ZFHX4: variants seen among roughly 807,000 people sequenced by gnomAD.
The protein encoded by ZFHX4 is zinc finger homeobox protein 4.
In ZFHX4, 56 loss-of-function variants were observed where a neutral mutation model predicts 267.6. The observed-to-expected ratio is 0.21, with a 90% CI of 0.17 to 0.26. The LOEUF (loss-of-function observed/expected upper bound fraction) is 0.26. ZFHX4 is among the 10% of genes least tolerant of loss of function. ZFHX4 has a pLI of 1.00. For synonymous variants in ZFHX4, 1,778 were observed against 1,665.6 expected, an observed-to-expected ratio of 1.07 and a Z score of -1.64; for missense variants, 4,332 against 4,420.0, an observed-to-expected ratio of 0.98 and a Z score of 0.56.
rs114939746 is a variant in ZFHX4 at position 76,857,719 on chromosome 8, C to T, written c.9379+1419C>T. Among the ~76,000 whole-genome samples the T allele has an allele frequency of 2.8e-3, 420 of 152,140 alleles. 1 individual carries two copies. Among genetic ancestry groups the T allele is most frequent in the African/African-American group, 9.3e-3 (388 of 41,516 alleles). ...ACCAACTTCCCTCACCCCAAAGGTACTTTGGGCTTCATTATCTAGACAATT... is the reference window on the plus strand; with the variant it reads ...ACCAACTTCCCTCACCCCAAAGGTATTTTGGGCTTCATTATCTAGACAATT... On this transcript the variant is annotated intron_variant, in intron 10 of 10. Transcript: ENST00000651372.
intron 3 of ZFHX4, among the ~76,000 whole-genome samples, chr8:76,709,672 T>C (rs976966394): frequency 6.6e-6 from 1 of 152,158 alleles, no homozygotes; most frequent in African/African-American, 2.4e-5. Context: ...TGTATAAATT[T>C]TCTATTTTTT....
chr8:76,837,156 G>T (rs1199292734), intron 5 of ZFHX4, among the ~76,000 whole-genome samples: 3 of 152,100 alleles, frequency 2.0e-5, no homozygotes, highest in Non-Finnish European at 4.4e-5. Flanking sequence ...AATGTAGATA[G>T]AGAAAGGGCT....
chr8:76,784,479 C>T (rs1810633665), intron 4 of ZFHX4, among the ~76,000 whole-genome samples: 1 of 152,044 alleles, frequency 6.6e-6, no homozygotes, highest in South Asian at 2.1e-4. Flanking sequence ...ACATCCTAAT[C>T]TGTCTTGTCA....
At chr8:76,850,865 G>C (rs1412062526) in intron 9 of ZFHX4, 21 bp from the exon 10 acceptor site, 3 of 1,546,210 alleles carry the variant, frequency 1.9e-6, no homozygotes, top group Admixed American at 2.1e-5. Flanking sequence ...TAAGAGAGAT[G>C]TTTGTGCTTT....
chr8:76,794,006 T>C (rs2131811469), intron 4 of ZFHX4, among the ~76,000 whole-genome samples: 1 of 152,316 alleles, frequency 6.6e-6, no homozygotes, highest in African/African-American at 2.4e-5. Flanking sequence ...GCTGGCCCTT[T>C]CTCTTCTGAC....
rs1563471062 is a variant in ZFHX4 at position 76,705,076 on chromosome 8, GAAC to G, written c.989_991del (p.Glu330_Pro331delinsAla). The G allele has an allele frequency of 1.9e-6, 3 of 1,613,876 alleles. No homozygotes were observed. In the South Asian group the frequency reaches 3.3e-5, roughly 18 times the overall value. ...AATACAGGGGATTGGCAAAGACAAA[GAAC>G]CTCTTATAAGCTTTCTGGAACCAAA... On this transcript the variant is annotated inframe_deletion, in exon 2 of 11. Coordinates refer to ENST00000651372, the MANE Select transcript of ZFHX4 (RefSeq NM_024721.5).
At position 76,852,895 on chromosome 8, in the gene ZFHX4, C is replaced by T. The variant is rs1242607998; in HGVS notation, c.5974C>T (p.Leu1992Phe). The T allele has an allele frequency of 6.2e-7, 1 of 1,612,640 alleles. No homozygotes were observed. Among genetic ancestry groups the T allele is most frequent in the Admixed American group, 1.7e-5 (1 of 59,794 alleles). Reference protein sequence around the residue: ...ARQYREAYDKLYPISPSSPET... With the variant: ...ARQYREAYDKFYPISPSSPET... ...TCAATACAGGGAGGCCTATGACAAG[C>T]TTTATCCAATTTCTCCATCTTCTCC... is the stretch of plus-strand genomic sequence containing the variant. Residue 1992 changes from leucine (L) to phenylalanine (F), a missense_variant, in exon 10 of 11, where the codon CTT becomes TTT. Physicochemically the swap from Leu to Phe is conservative, Grantham distance 22 (BLOSUM62 0). This residue lies in a region of ZFHX4 where 1,371 missense variants were observed against 1,423.1 expected (regional missense o/e 0.96). Coordinates refer to ENST00000651372, the MANE Select transcript of ZFHX4 (RefSeq NM_024721.5).
At chr8:76,735,197 G>A (rs1356875091) in intron 3 of ZFHX4, among the ~76,000 whole-genome samples, 2 of 152,044 alleles carry the variant, frequency 1.3e-5, no homozygotes, top group Non-Finnish European at 2.9e-5. Context: ...TTGTACATAA[G>A]CACATTGATA....
At chr8:76,841,519 T>C (rs1459496624) in intron 5 of ZFHX4, among the ~76,000 whole-genome samples, 3 of 152,094 alleles carry the variant, frequency 2.0e-5, no homozygotes, top group Non-Finnish European at 2.9e-5. Flanking sequence ...TATTGAAGGG[T>C]TAATTGTATC....
At chr8:76,842,841 C>T (rs1812271828) in intron 6 of ZFHX4, 70 bp downstream of exon 6, 3 of 1,067,408 alleles carry the variant, frequency 2.8e-6, no homozygotes, top group Admixed American at 2.3e-5. Context: ...CTTCCTTCAC[C>T]ATCCCCCCAC....
rs761196767 is a variant in ZFHX4 at position 76,863,044 on chromosome 8, G to A, written c.9380-50G>A. On this transcript the variant is annotated intron_variant, in intron 10 of 10. Coordinates refer to ENST00000651372, the MANE Select transcript of ZFHX4 (RefSeq NM_024721.5). ...TTAGGTGTTAAGCATACAGCCTTCC[G>A]ATGTTGGTCTGTACATTGACAGTGG... The A allele has an allele frequency of 2.9e-4, 429 of 1,455,974 alleles. 2 individuals carry two copies. Among genetic ancestry groups the A allele is most frequent in the South Asian group, 2.7e-3 (183 of 68,194 alleles). 90.2% of individuals were successfully genotyped at this position (1,455,974 alleles called of 1,614,324 possible). A position where few individuals can be genotyped will look rare whatever the true frequency, so the allele number is the denominator to read the frequency against.
chr8:76,853,578 A>C lies in ZFHX4; in HGVS notation c.6657A>C (p.Lys2219Asn), dbSNP rs1442079329. Residue 2219 changes from lysine (K) to asparagine (N), a missense_variant, in exon 10 of 11, where the codon AAA becomes AAC. Coordinates refer to ENST00000651372, the MANE Select transcript of ZFHX4 (RefSeq NM_024721.5). ...AGCCCACCTCTTTAGAACATTACAA[A>C]TCTGATGCATCATTCAGTAAAAGGT... Reference protein sequence around the residue: ...DPQPTSLEHYKSDASFSKRSS... With the variant: ...DPQPTSLEHYNSDASFSKRSS... 1 of 1,613,850 alleles carries C rather than the reference A, an allele frequency of 6.2e-7. No homozygotes were observed. Among genetic ancestry groups the C allele is most frequent in the Admixed American group, 1.7e-5 (1 of 60,020 alleles).
In ZFHX4 at chr8:76,853,584, T is replaced by A. The variant is rs1162103189; in HGVS notation, c.6663T>A (p.Asp2221Glu). The change falls in exon 10 of 11, where the codon GAT (aspartate) becomes GAA (glutamate). Residue 2221 changes from aspartate to glutamate, a missense_variant. By Grantham distance (45) the Asp-to-Glu change is conservative. Around this residue, in one of 7 missense-constraint regions of ZFHX4, gnomAD observed 62 missense variants for 69.8 expected, o/e 0.89. Transcript: ENST00000651372. The part of the protein sequence containing the change: ...QPTSLEHYKS[D>E]ASFSKRSSRT... The stretch of plus-strand genomic sequence containing the variant: ...CCTCTTTAGAACATTACAAATCTGA[T>A]GCATCATTCAGTAAAAGGTCTTCTA... 1.2e-6 allele frequency: 2 copies of A among 1,613,766 alleles called. No homozygotes were observed. Among genetic ancestry groups the A allele is most frequent in the East Asian group, 2.2e-5 (1 of 44,830 alleles).
At chr8:76,688,682 A>G (rs1179019043) in intron 1 of ZFHX4, among the ~76,000 whole-genome samples, 1 of 152,142 alleles carries the variant, frequency 6.6e-6, no homozygotes, top group East Asian at 1.9e-4. Flanking sequence ...AGACTCTTTC[A>G]AAGATCGGAA....
intron 4 of ZFHX4, among the ~76,000 whole-genome samples, chr8:76,779,233 T>C (rs1810483744): frequency 6.6e-6 from 1 of 152,206 alleles, no homozygotes; most frequent in African/African-American, 2.4e-5. Context: ...TTTAGATAAA[T>C]CATTATTATG....
At chr8:76,834,699 C>T (rs1398759207) in intron 5 of ZFHX4, among the ~76,000 whole-genome samples, 1 of 151,958 alleles carries the variant, frequency 6.6e-6, no homozygotes, top group Non-Finnish European at 1.5e-5. Flanking sequence ...TGTGGCTTGT[C>T]TCATTATTTT....
intron 3 of ZFHX4, among the ~76,000 whole-genome samples, chr8:76,764,173 T>C (rs1393909479): frequency 6.6e-6 from 1 of 152,178 alleles, no homozygotes; most frequent in Non-Finnish European, 1.5e-5. Flanking sequence ...AAACTTGATT[T>C]AAATACTGTA....
chr8:76,707,865 A>C lies in ZFHX4; in HGVS notation c.2910A>C (p.Lys970Asn), dbSNP rs1808320373. 1 of 1,614,138 alleles carries C rather than the reference A, an allele frequency of 6.2e-7. No homozygotes were observed. Among genetic ancestry groups the C allele is most frequent in the Non-Finnish European group, 8.5e-7 (1 of 1,179,960 alleles). The change falls in exon 3 of 11, where the codon AAA (lysine) becomes AAC (asparagine). Residue 970 changes from lysine (K) to asparagine (N), a missense_variant. Transcript: ENST00000651372. ...LHCKTDKHMQ[K>N]YQLVAHIKEG... ...GCAAGACTGATAAACATATGCAGAA[A>C]TATCAACTGGTGGCTCACATTAAAG...
chr8:76,701,271 G>A (rs1375585079), intron 1 of ZFHX4, among the ~76,000 whole-genome samples: 2 of 151,940 alleles, frequency 1.3e-5, no homozygotes, highest in African/African-American at 4.8e-5. Context: ...TGTTATTGTT[G>A]GTTTTAGGAT....
Sources: allele counts gnomAD v4.1 joint callset (sites outside exome capture counted in the v4.1 genomes callset), GRCh38; gene constraint gnomAD v4.1.1; regional missense constraint gnomAD v4.1.1; transcripts MANE v1.5; gene names NCBI Gene and HGNC (gene_info 2026-07-23, HGNC 2026-07-21).